CDH13: variants seen among roughly 807,000 people sequenced by gnomAD.
The protein encoded by CDH13 is cadherin 13, also known as cadherin-13.
Under a neutral mutation model 63.8 loss-of-function variants are expected in CDH13, and 24 were observed. The observed-to-expected ratio is 0.38, with a 90% CI of 0.27 to 0.53. CDH13 has a LOEUF of 0.53. CDH13 is among the 20% of genes least tolerant of loss of function. The pLI, the probability that CDH13 is intolerant of heterozygous loss-of-function variation, is 0.85. For synonymous variants in CDH13, 503 were observed against 355.3 expected (o/e 1.42, Z -4.67); for missense variants, 1,049 against 903.1 (o/e 1.16, Z -2.07).
Position 83,084,848 on chromosome 16 carries a change from A to G in CDH13, c.367-40537A>G, listed in dbSNP as rs190495648. Among the ~76,000 whole-genome samples, 162 of 152,352 alleles carry G rather than the reference A, an allele frequency of 1.1e-3. 1 individual carries two copies. The highest frequency in any genetic ancestry group is 3.4e-3 in the Middle Eastern group (1 of 294). On this transcript the variant is annotated intron_variant, in intron 3 of 13. Transcript: ENST00000567109. Reference sequence around the variant, plus strand: ...GGTTGCAGTGAGCCGAGATCGCACCATTGCACTCCAGCCTGGGCAATAAGC... The same window carrying G: ...GGTTGCAGTGAGCCGAGATCGCACCGTTGCACTCCAGCCTGGGCAATAAGC...
chr16:83,530,894 C>G (rs1006930141), intron 7 of CDH13, among the ~76,000 whole-genome samples: 2 of 152,222 alleles, frequency 1.3e-5, no homozygotes, highest in African/African-American at 4.8e-5. Flanking sequence ...AGAGGCAGAG[C>G]TGTGCATTCA....
rs1909908627 is a variant in CDH13 at position 82,644,936 on chromosome 16, T to C, written c.45+17799T>C. 6.6e-6 allele frequency among the ~76,000 whole-genome samples: 1 copy of C among 152,220 alleles called. No homozygotes were observed. The highest frequency in any genetic ancestry group is 2.1e-4 in the South Asian group (1 of 4,834). ...ATTAGGGGAATCAAAAAATTACTTG[T>C]ATAAACTAATATTTTGGAAAACTCT... On this transcript the variant is annotated intron_variant, in intron 1 of 13. Coordinates refer to ENST00000567109, the MANE Select transcript of CDH13 (RefSeq NM_001257.5). The surrounding 1 kb of genome is among the most constrained non-coding windows in gnomAD (Gnocchi z 5.7).
intron 1 of CDH13, among the ~76,000 whole-genome samples, chr16:82,814,405 C>G (rs2037599999): frequency 6.6e-6 from 1 of 152,100 alleles, no homozygotes; most frequent in Non-Finnish European, 1.5e-5. Context: ...CACCCCACCT[C>G]CAGGGAGGAA....
chr16:83,073,354 T>TGTGTGTGTGAGAGAGAGA (rs1311548254), intron 3 of CDH13, among the ~76,000 whole-genome samples: 1 of 139,756 alleles, frequency 7.2e-6, no homozygotes, highest in Non-Finnish European at 1.5e-5. Flanking sequence ...TGTGTGTGTG[T>TGTGTGTGTGAGAGAGAGA]GAGAGAGAGA....
chr16:82,898,710 T>C (rs2041353394), intron 2 of CDH13, among the ~76,000 whole-genome samples: 1 of 152,176 alleles, frequency 6.6e-6, no homozygotes, highest in African/African-American at 2.4e-5. Context: ...CACTAGATTT[T>C]ACCTGATGGA....
chr16:83,504,853 C>T (rs1222466699), intron 7 of CDH13, among the ~76,000 whole-genome samples: 2 of 152,050 alleles, frequency 1.3e-5, no homozygotes, highest in Non-Finnish European at 2.9e-5. Flanking sequence ...TATATTCATA[C>T]GAGCAAGTAA....
At chr16:82,680,900 C>G (rs933740310) in intron 1 of CDH13, among the ~76,000 whole-genome samples, 1 of 152,130 alleles carries the variant, frequency 6.6e-6, no homozygotes, top group African/African-American at 2.4e-5. Context: ...AAAAAGACAC[C>G]TTAAACTCAC....
chr16:82,866,255 C>T (rs2151180442), intron 2 of CDH13, among the ~76,000 whole-genome samples: 2 of 152,190 alleles, frequency 1.3e-5, no homozygotes, highest in Middle Eastern at 6.8e-3. Context: ...TAAACTGTTC[C>T]AGCCCCTGCC....
At chr16:83,461,872 C>G (rs76593046) in intron 6 of CDH13, among the ~76,000 whole-genome samples, 4,461 of 152,260 alleles carry the variant, frequency 0.029, 215 homozygotes, top group African/African-American at 0.1. Context: ...CAAGATCTCA[C>G]CAAAGCCAAA....
intron 6 of CDH13, among the ~76,000 whole-genome samples, chr16:83,393,640 C>T (rs1001485381): frequency 2.0e-5 from 3 of 152,098 alleles, no homozygotes; most frequent in Non-Finnish European, 4.4e-5. Context: ...TGAATTTAAT[C>T]GAATCAATCA....
chr16:83,018,969 G>A (rs2151450625), intron 2 of CDH13, among the ~76,000 whole-genome samples: 1 of 152,324 alleles, frequency 6.6e-6, no homozygotes, highest in Admixed American at 6.5e-5. Flanking sequence ...GAGTCAGTGA[G>A]TGAGTGGTGA....
intron 7 of CDH13, among the ~76,000 whole-genome samples, chr16:83,525,661 C>G (rs1236287401): frequency 6.6e-6 from 1 of 152,116 alleles, no homozygotes; most frequent in African/African-American, 2.4e-5. Context: ...GCCCCAGAAG[C>G]TGGGACTATG....
At chr16:83,475,139 A>G (rs1047263108) in intron 6 of CDH13, among the ~76,000 whole-genome samples, 2 of 152,226 alleles carry the variant, frequency 1.3e-5, no homozygotes, top group South Asian at 4.1e-4. Context: ...TAAGAATGTC[A>G]AGAGGGTGAC....
intron 6 of CDH13, among the ~76,000 whole-genome samples, chr16:83,358,996 T>C (rs1029788932): frequency 6.6e-6 from 1 of 152,170 alleles, no homozygotes; most frequent in Admixed American, 6.5e-5. Context: ...GCCATTTATG[T>C]CAGTGTGCTG....
intron 2 of CDH13, among the ~76,000 whole-genome samples, chr16:82,940,338 AAC>A (rs1275907411): frequency 5.3e-5 from 8 of 152,120 alleles, no homozygotes; most frequent in African/African-American, 1.9e-4. Flanking sequence ...GGCAAAAATT[AAC>A]AGTCACCTCG....
intron 13 of CDH13, among the ~76,000 whole-genome samples, chr16:83,792,047 T>C (rs1331925059): frequency 1.3e-5 from 2 of 152,252 alleles, no homozygotes; most frequent in East Asian, 1.9e-4. Context: ...CTTTCTCTAA[T>C]AATGGCTTTG....
intron 2 of CDH13, among the ~76,000 whole-genome samples, chr16:82,944,665 G>C (rs1904495202): frequency 6.6e-6 from 1 of 152,140 alleles, no homozygotes; most frequent in Non-Finnish European, 1.5e-5. Flanking sequence ...AATTTCAGCA[G>C]TACCACTGTT....
chr16:82,683,494 C>G (rs1914762079), intron 1 of CDH13, among the ~76,000 whole-genome samples: 2 of 152,218 alleles, frequency 1.3e-5, no homozygotes, highest in South Asian at 4.1e-4. Flanking sequence ...ATTCAGACCA[C>G]TGAGCCTTCT....
At chr16:83,184,949 CTT>C (rs2038471964) in intron 4 of CDH13, among the ~76,000 whole-genome samples, 1 of 151,040 alleles carries the variant, frequency 6.6e-6, no homozygotes, top group African/African-American at 2.4e-5. Flanking sequence ...TTCTATTTCT[CTT>C]TGATTTTTTA....
Sources: allele counts gnomAD v4.1 joint callset (sites outside exome capture counted in the v4.1 genomes callset), GRCh38; gene constraint gnomAD v4.1.1; non-coding constraint Gnocchi (gnomAD v3.1); transcripts MANE v1.5; gene names NCBI Gene and HGNC (gene_info 2026-07-23, HGNC 2026-07-21).